The following MYLK variants were observed in gnomAD, a reference collection of about 807,000 sequenced individuals.
The protein encoded by MYLK is myosin light chain kinase, smooth muscle.
Under a neutral mutation model 203.4 loss-of-function variants are expected in MYLK, and 106 were observed. That is an observed-to-expected ratio of 0.52 (90% CI 0.45 to 0.61). The LOEUF (loss-of-function observed/expected upper bound fraction) is 0.61, where lower values mean the gene tolerates loss of function less well. MYLK is among the 20% of genes least tolerant of loss of function. The pLI is 0.00. For synonymous variants in MYLK, 867 were observed against 959.5 expected, an observed-to-expected ratio of 0.90 and a Z score of 1.78; for missense variants, 2,072 against 2,442.3, an observed-to-expected ratio of 0.85 and a Z score of 3.20.
chr3:123,695,153 C>G (rs1215954758), intron 18 of MYLK, among the ~76,000 whole-genome samples: 1 of 152,158 alleles, frequency 6.6e-6, no homozygotes, highest in Admixed American at 6.5e-5. Context: ...TGCTATAGGG[C>G]TGCCTCAGTC....
chr3:123,623,326 T>A (rs2057970908), intron 31 of MYLK: 1 of 152,240 alleles, frequency 6.6e-6, no homozygotes, highest in African/African-American at 2.4e-5. Context: ...TAAGGGCCTC[T>A]GATGTCTAGT....
intron 4 of MYLK, among the ~76,000 whole-genome samples, chr3:123,755,560 G>A (rs539611578): frequency 1.1e-4 from 16 of 152,252 alleles, no homozygotes; most frequent in African/African-American, 3.9e-4. Context: ...TCCAAGGTCT[G>A]AATGATTTGA....
intron 3 of MYLK, among the ~76,000 whole-genome samples, chr3:123,827,401 C>A (rs2066155772): frequency 6.6e-6 from 1 of 151,578 alleles, no homozygotes; most frequent in South Asian, 2.1e-4. Context: ...TTGAAAGCAT[C>A]AAGAGAAAAG....
At chr3:123,678,327 C>T (rs990431774) in intron 20 of MYLK, among the ~76,000 whole-genome samples, 1 of 152,094 alleles carries the variant, frequency 6.6e-6, no homozygotes, top group Non-Finnish European at 1.5e-5. Flanking sequence ...ACATTCCTCT[C>T]CTCCTCCATA....
At chr3:123,684,010 C>A (rs1225563366) in intron 19 of MYLK, among the ~76,000 whole-genome samples, 1 of 152,216 alleles carries the variant, frequency 6.6e-6, no homozygotes, top group East Asian at 1.9e-4. Context: ...TGTAACCCAG[C>A]ATGCCAGTTC....
intron 29 of MYLK, among the ~76,000 whole-genome samples, chr3:123,634,721 G>A (rs1175217389): frequency 1.3e-5 from 2 of 152,164 alleles, no homozygotes; most frequent in Non-Finnish European, 2.9e-5. Context: ...GCTCGGAGAA[G>A]AGCTGTTGTG....
chr3:123,743,867 G>A (rs189782816), intron 5 of MYLK, among the ~76,000 whole-genome samples: 9 of 152,196 alleles, frequency 5.9e-5, no homozygotes, highest in Admixed American at 1.3e-4. Context: ...AAAAATGTGC[G>A]GTGATATAAT....
chr3:123,678,564 A>T (rs981942976), intron 20 of MYLK, among the ~76,000 whole-genome samples: 2 of 144,486 alleles, frequency 1.4e-5, no homozygotes, highest in Admixed American at 1.4e-4. Context: ...CTATTTGATG[A>T]AAAAATCACT....
intron 8 of MYLK, 94 bp from the exon 9 acceptor site, chr3:123,735,510 A>G: frequency 6.9e-7 from 1 of 1,439,454 alleles, no homozygotes; most frequent in Non-Finnish European, 9.8e-7. Flanking sequence ...CCGTGGTCCC[A>G]CCCTGCTGGC....
At chr3:123,675,598 C>T (rs930215206) in intron 20 of MYLK, among the ~76,000 whole-genome samples, 1 of 152,214 alleles carries the variant, frequency 6.6e-6, no homozygotes, top group Non-Finnish European at 1.5e-5. Flanking sequence ...GCCTTGGGTA[C>T]AGGGAGGTCC....
chr3:123,754,654 C>G (rs1355746231), intron 4 of MYLK, among the ~76,000 whole-genome samples: 1 of 152,188 alleles, frequency 6.6e-6, no homozygotes, highest in Non-Finnish European at 1.5e-5. Context: ...GGTGTGTTAA[C>G]AGCTGTTGTC....
At chr3:123,848,915 C>A (rs2030397856) in intron 2 of MYLK, among the ~76,000 whole-genome samples, 1 of 152,160 alleles carries the variant, frequency 6.6e-6, no homozygotes, top group Non-Finnish European at 1.5e-5. Flanking sequence ...TTTAGATTAT[C>A]TTTTAAATAT....
At position 123,708,679 on chromosome 3, in the gene MYLK, C is replaced by T. The variant is rs1490071260; in HGVS notation, c.2140+19G>A. On this transcript the variant is annotated intron_variant, in intron 15 of 33. Transcript: ENST00000360304. ...CAGCAGCATCTCCTTCCCACTCGCT[C>T]TGAGTGGGTCAGCCTCACCTTGTAC... The T allele has an allele frequency of 6.2e-7, 1 of 1,613,598 alleles. No individual in the cohort carries two copies. Among genetic ancestry groups the T allele is most frequent in the Middle Eastern group, 1.6e-4 (1 of 6,062 alleles).
At chr3:123,614,396 A>G in intron 33 of MYLK, 47 bp from the exon 34 acceptor site, 1 of 1,612,626 alleles carries the variant, frequency 6.2e-7, no homozygotes, top group Non-Finnish European at 8.5e-7. Context: ...GTTATTCAAA[A>G]TTTCTTATCA....
intron 4 of MYLK, among the ~76,000 whole-genome samples, chr3:123,777,430 T>A (rs528082191): frequency 6.6e-6 from 1 of 152,358 alleles, no homozygotes; most frequent in African/African-American, 2.4e-5. Flanking sequence ...CCCATGTTTA[T>A]AAGCACGGGG....
chr3:123,818,842 T>G (rs2065830581), intron 3 of MYLK, among the ~76,000 whole-genome samples: 1 of 152,204 alleles, frequency 6.6e-6, no homozygotes, highest in African/African-American at 2.4e-5. Context: ...CATGGAGAGC[T>G]CTTAGAACTG....
chr3:123,842,811 T>C (rs745709243), intron 2 of MYLK, among the ~76,000 whole-genome samples: 1 of 152,258 alleles, frequency 6.6e-6, no homozygotes, highest in African/African-American at 2.4e-5. Flanking sequence ...GATACATTAA[T>C]GAACAAAGCA....
rs1279460356 is a variant in MYLK at position 123,700,330 on chromosome 3, G to A, written c.3138C>T (p.Thr1046=). 1.2e-5 allele frequency: 20 copies of A among 1,613,912 alleles called. No individual in the cohort carries two copies. The highest frequency in any genetic ancestry group is 1.7e-5 in the Non-Finnish European group (20 of 1,179,972). Residue 1046 remains threonine (T), a synonymous_variant, in exon 18 of 34, where the codon ACC becomes ACT. Coordinates refer to ENST00000360304, the MANE Select transcript of MYLK (RefSeq NM_053025.4). ...KPMGNAKPAE[T]LKPMGNAKPD... is the part of the protein sequence containing the mutation. ...GCTTGGCATTGCCCATGGGCTTCAGGGTCTCGGCAGGCTTGGCGTTGCCCA... is the reference window on the plus strand; with the variant it reads ...GCTTGGCATTGCCCATGGGCTTCAGAGTCTCGGCAGGCTTGGCGTTGCCCA...
At chr3:123,692,481 TC>T (rs1351229218) in intron 19 of MYLK, 6 of 1,092,424 alleles carry the variant, frequency 5.5e-6, no homozygotes, top group Admixed American at 5.8e-5. Flanking sequence ...GGTGTGGGGA[TC>T]AGGACTGGGA....
Sources: allele counts gnomAD v4.1 joint callset (sites outside exome capture counted in the v4.1 genomes callset), GRCh38; gene constraint gnomAD v4.1.1; transcripts MANE v1.5; gene names NCBI Gene and HGNC (gene_info 2026-07-23, HGNC 2026-07-21).